ST8SIA1: variants seen among roughly 807,000 people sequenced by gnomAD.
ST8SIA1 encodes the protein alpha-N-acetylneuraminide alpha-2,8-sialyltransferase.
In ST8SIA1, 16 loss-of-function variants were observed where a neutral mutation model predicts 35.9. The ratio of observed to expected loss-of-function variants is 0.45; its 90% CI spans 0.30 to 0.68. The LOEUF (loss-of-function observed/expected upper bound fraction) is 0.68, where lower values mean the gene tolerates loss of function less well. Among genes scored for constraint, ST8SIA1 ranks in the 30% least tolerant of loss-of-function variants. The pLI is 0.09. For synonymous variants in ST8SIA1, 170 were observed against 169.6 expected, an observed-to-expected ratio of 1.00 and a Z score of -0.02; for missense variants, 383 against 453.6, an observed-to-expected ratio of 0.84 and a Z score of 1.41.
At chr12:22,291,400 G>T (rs2135819170) in intron 1 of ST8SIA1, among the ~76,000 whole-genome samples, 1 of 152,310 alleles carries the variant, frequency 6.6e-6, no homozygotes, top group East Asian at 1.9e-4. Flanking sequence ...GACAGGAGGG[G>T]TGGGCAAGAA....
intron 3 of ST8SIA1, among the ~76,000 whole-genome samples, chr12:22,251,908 G>T (rs35361835): frequency 0.3 from 45,730 of 152,022 alleles, 7,132 homozygotes; most frequent in South Asian, 0.41. Context: ...TATGTGAGCA[G>T]GCAAAACATA....
intron 1 of ST8SIA1, among the ~76,000 whole-genome samples, chr12:22,294,703 G>A (rs1431060333): frequency 5.3e-5 from 8 of 152,144 alleles, no homozygotes; most frequent in East Asian, 1.9e-4. Flanking sequence ...TCTAGTAAGG[G>A]CAGAGAAAAT....
Position 22,225,240 on chromosome 12 carries a change from C to A in ST8SIA1, c.585-23202G>T, listed in dbSNP as rs562345516. ...GTTTGTGGTAATTTGTGGTAGCAGCCCTAAGAAACTAATAAAATGATTATA... is the reference window on the plus strand; with the variant it reads ...GTTTGTGGTAATTTGTGGTAGCAGCACTAAGAAACTAATAAAATGATTATA... On this transcript the variant is annotated intron_variant, in intron 4 of 4. Coordinates refer to ENST00000396037, the MANE Select transcript of ST8SIA1 (RefSeq NM_003034.4). Among the ~76,000 whole-genome samples, 126 of 152,060 alleles carry A rather than the reference C, an allele frequency of 8.3e-4. 3 individuals are homozygous for A. The highest frequency in any genetic ancestry group is 2.9e-3 in the African/African-American group (121 of 41,482).
At chr12:22,209,114 TA>T in intron 4 of ST8SIA1, among the ~76,000 whole-genome samples, 1 of 152,312 alleles carries the variant, frequency 6.6e-6, no homozygotes, top group Middle Eastern at 3.4e-3. Context: ...ATGACTGCTT[TA>T]AAATGAAAGT....
intron 2 of ST8SIA1, among the ~76,000 whole-genome samples, chr12:22,283,559 G>A (rs1237202417): frequency 1.3e-5 from 2 of 152,212 alleles, no homozygotes; most frequent in Admixed American, 1.3e-4. Flanking sequence ...ATACAAACAC[G>A]CACACATACA....
At chr12:22,253,140 G>A (rs759946681) in intron 3 of ST8SIA1, among the ~76,000 whole-genome samples, 2 of 152,134 alleles carry the variant, frequency 1.3e-5, no homozygotes, top group African/African-American at 2.4e-5. Context: ...GCCTACTCCC[G>A]CTTCCTCCTA....
chr12:22,226,778 T>C (rs1359299674), intron 4 of ST8SIA1, among the ~76,000 whole-genome samples: 1 of 152,212 alleles, frequency 6.6e-6, no homozygotes, highest in African/African-American at 2.4e-5. Flanking sequence ...GCCATCTCTC[T>C]TTTCATCTCA....
chr12:22,281,628 G>A (rs1388801153), intron 2 of ST8SIA1, among the ~76,000 whole-genome samples: 1 of 152,116 alleles, frequency 6.6e-6, no homozygotes, highest in Non-Finnish European at 1.5e-5. Context: ...AAACTATGGT[G>A]TTGTATAGGA....
intron 2 of ST8SIA1, among the ~76,000 whole-genome samples, chr12:22,284,482 A>G (rs2135814655): frequency 6.6e-6 from 1 of 152,352 alleles, no homozygotes; most frequent in South Asian, 2.1e-4. Context: ...ACATTTTGCT[A>G]AGAAATAATA....
Position 22,253,054 on chromosome 12 carries a change from G to A in ST8SIA1, c.491+2226C>T, listed in dbSNP as rs187158557. Among the ~76,000 whole-genome samples the A allele has an allele frequency of 5.3e-5, 8 of 152,178 alleles. No homozygotes were observed. In the East Asian group the frequency reaches 5.8e-4, roughly 11 times the overall value. On this transcript the variant is annotated intron_variant, in intron 3 of 4. Transcript: ENST00000396037. ...AAAATTTAAACTAAACTACATAAAC[G>A]GTGTTACAATGATACGGTATTCATA... is the stretch of plus-strand genomic sequence containing the variant.
chr12:22,333,740 G>A, intron 1 of ST8SIA1: 5 of 668,760 alleles, frequency 7.5e-6, no homozygotes, highest in Non-Finnish European at 1.4e-5. Context: ...ATAAAACTCC[G>A]CTTTGGGAAG....
At chr12:22,256,185 G>T (rs1591836370) in intron 2 of ST8SIA1, among the ~76,000 whole-genome samples, 1 of 152,262 alleles carries the variant, frequency 6.6e-6, no homozygotes, top group South Asian at 2.1e-4. Context: ...ACTCTGGGTG[G>T]GTCTGTCTAG....
Position 22,334,084 on chromosome 12 carries a change from C to A in ST8SIA1, c.149G>T (p.Arg50Leu), listed in dbSNP as rs1198527542. The A allele has an allele frequency of 6.2e-7, 1 of 1,614,030 alleles. No homozygotes were observed. Among genetic ancestry groups the A allele is most frequent in the Non-Finnish European group, 8.5e-7 (1 of 1,180,006 alleles). Reference protein sequence around the residue: ...LCWLYIFPVYRLPNEKEIVQG... With the variant: ...LCWLYIFPVYLLPNEKEIVQG... ...CACGATCTCTTTCTCGTTGGGCAGC[C>A]GGTAGACGGGGAAGATGTAGAGCCA... Residue 50 changes from arginine (R) to leucine (L), a missense_variant, in exon 1 of 5, where the codon CGG (arginine) becomes CTG (leucine). Arg to Leu is a moderately radical substitution (Grantham distance 102). Coordinates refer to ENST00000396037, the MANE Select transcript of ST8SIA1 (RefSeq NM_003034.4).
Position 22,196,984 on chromosome 12 carries a change from A to C in ST8SIA1, c.*4568T>G, listed in dbSNP as rs972028807. 3 of 152,196 alleles carry C rather than the reference A, an allele frequency of 2.0e-5. No homozygotes were observed. The highest frequency in any genetic ancestry group is 2.1e-4 in the South Asian group (1 of 4,822). The allele number at this position is 152,196 out of a possible 1,614,324, so 9.4% of individuals were successfully genotyped here. ...GGTAGAGAGCACTCTGCCCTTTTACATCCTGAGAGTGTGGGGATAGGGTCA... is the reference window on the plus strand; with the variant it reads ...GGTAGAGAGCACTCTGCCCTTTTACCTCCTGAGAGTGTGGGGATAGGGTCA... On this transcript the variant is annotated 3_prime_UTR_variant, in exon 5 of 5. Coordinates refer to ENST00000396037, the MANE Select transcript of ST8SIA1 (RefSeq NM_003034.4).
intron 4 of ST8SIA1, among the ~76,000 whole-genome samples, chr12:22,209,955 G>A (rs972636412): frequency 1.4e-4 from 21 of 152,140 alleles, no homozygotes; most frequent in African/African-American, 4.6e-4. Flanking sequence ...AAACCAGGAA[G>A]GGTGCCTGGC....
intron 1 of ST8SIA1, among the ~76,000 whole-genome samples, chr12:22,298,392 CTA>C (rs962852226): frequency 5.3e-5 from 8 of 152,166 alleles, no homozygotes; most frequent in South Asian, 4.1e-4. Flanking sequence ...GGATATGACT[CTA>C]TCTCTAGGTA....
At chr12:22,231,291 C>G (rs1365694734) in intron 4 of ST8SIA1, among the ~76,000 whole-genome samples, 1 of 151,604 alleles carries the variant, frequency 6.6e-6, no homozygotes, top group East Asian at 1.9e-4. Flanking sequence ...GACATTCCAA[C>G]TGTTCCACGA....
At chr12:22,226,180 G>A (rs960746404) in intron 4 of ST8SIA1, among the ~76,000 whole-genome samples, 4 of 152,116 alleles carry the variant, frequency 2.6e-5, no homozygotes, top group Non-Finnish European at 5.9e-5. Context: ...ACCTTTCTCA[G>A]CCCTCGTATT....
intron 1 of ST8SIA1, among the ~76,000 whole-genome samples, chr12:22,309,692 C>T (rs1361886621): frequency 1.3e-5 from 2 of 152,106 alleles, no homozygotes; most frequent in Non-Finnish European, 2.9e-5. Flanking sequence ...GAAGAATGGC[C>T]ACTTTCAGGC....
Sources: gnomAD v4.1 joint callset for allele counts (sites outside exome capture counted in the v4.1 genomes callset) on GRCh38, gnomAD v4.1.1 for gene constraint, MANE v1.5 for transcripts, NCBI Gene and HGNC (gene_info 2026-07-23, HGNC 2026-07-21) for gene names.